Variants in RBPJ observed in about 807,000 individuals in gnomAD.
RBPJ encodes the protein recombination signal binding protein for immunoglobulin kappa J region, also known as recombining binding protein suppressor of hairless.
RBPJ carries 9 observed loss-of-function variants against 67.8 expected under a neutral mutation model. That is an observed-to-expected ratio of 0.13 (90% confidence interval 0.08 to 0.23). RBPJ has a LOEUF of 0.23. Among genes scored for constraint, RBPJ ranks in the 10% least tolerant of loss-of-function variants. RBPJ has a pLI of 1.00. For synonymous variants in RBPJ, 198 were observed against 203.3 expected (o/e 0.97, Z 0.22); for missense variants, 305 against 595.6 (o/e 0.51, Z 5.08).
chr4:26,377,391 C>A (rs1729862409), intron 1 of RBPJ, among the ~76,000 whole-genome samples: 1 of 152,190 alleles, frequency 6.6e-6, no homozygotes. Context: ...CATCAAGTGA[C>A]ACTTTTCAGG....
intron 1 of RBPJ, among the ~76,000 whole-genome samples, chr4:26,292,195 G>A (rs1379085725): frequency 6.6e-6 from 1 of 150,410 alleles, no homozygotes; most frequent in Non-Finnish European, 1.5e-5. Flanking sequence ...CTGAAAGTTT[G>A]TACATTTTGA....
intron 1 of RBPJ, among the ~76,000 whole-genome samples, chr4:26,303,699 T>A (rs1722149722): frequency 6.6e-6 from 1 of 151,456 alleles, no homozygotes; most frequent in Non-Finnish European, 1.5e-5. Flanking sequence ...ATTCCAGCAC[T>A]TTGGGAGGCC....
At chr4:26,203,414 G>A (rs1393929987) in intron 1 of RBPJ, among the ~76,000 whole-genome samples, 3 of 152,074 alleles carry the variant, frequency 2.0e-5, no homozygotes, top group Non-Finnish European at 2.9e-5. Flanking sequence ...CCCACATACA[G>A]TAGGGTCTCC....
Position 26,430,712 on chromosome 4 carries a change from G to C in RBPJ, c.1169G>C (p.Cys390Ser), listed in dbSNP as rs774004000. The change falls in exon 11 of 11, where the codon TGT (cysteine) becomes TCT (serine). Residue 390 changes from cysteine (C) to serine (S), a missense_variant. Around this residue, in one of 7 missense-constraint regions of RBPJ, gnomAD observed 47 missense variants for 128.2 expected, o/e 0.37. Coordinates refer to ENST00000355476, the MANE Select transcript of RBPJ (RefSeq NM_015874.6). This position sits in a 1 kb window ranked among gnomAD's most constrained non-coding sequence, Gnocchi z 4.1. Reference protein sequence around the residue: ...TMYRCGESMLCVVPDISAFRE... With the variant: ...TMYRCGESMLSVVPDISAFRE... ...CTCAGGTGTGGAGAGAGTATGCTCTGTGTCGTCCCAGACATTTCTGCATTC... is the reference window on the plus strand; with the variant it reads ...CTCAGGTGTGGAGAGAGTATGCTCTCTGTCGTCCCAGACATTTCTGCATTC... 6.2e-7 allele frequency: 1 copy of C among 1,614,096 alleles called. No homozygotes were observed. Among genetic ancestry groups the C allele is most frequent in the Non-Finnish European group, 8.5e-7 (1 of 1,180,006 alleles).
At chr4:26,117,229 G>A in the RBPJ span, among the ~76,000 whole-genome samples, 9 of 152,072 alleles carry the variant, frequency 5.9e-5, no homozygotes, top group African/African-American at 1.9e-4. Context: ...TGCCCCATGC[G>A]GCTACCCCCG....
At chr4:26,271,570 G>T (rs1157261313) in intron 1 of RBPJ, among the ~76,000 whole-genome samples, 1 of 151,998 alleles carries the variant, frequency 6.6e-6, no homozygotes, top group Non-Finnish European at 1.5e-5. Flanking sequence ...TCCCCAGGAG[G>T]GGATTCATGA....
chr4:26,330,781 G>A (rs2109354792), intron 1 of RBPJ, among the ~76,000 whole-genome samples: 1 of 152,320 alleles, frequency 6.6e-6, no homozygotes, highest in South Asian at 2.1e-4. Context: ...AGGATTTGAT[G>A]AACGATGATG....
At chr4:26,114,936 A>G in the RBPJ span, among the ~76,000 whole-genome samples, 2 of 152,190 alleles carry the variant, frequency 1.3e-5, no homozygotes, top group African/African-American at 2.4e-5. Flanking sequence ...CCCAACACTC[A>G]TCACTTCTAA....
At chr4:26,143,267 C>T in the RBPJ span, among the ~76,000 whole-genome samples, 125 of 152,222 alleles carry the variant, frequency 8.2e-4, no homozygotes, top group Non-Finnish European at 1.5e-3. Context: ...TAACCAGTCC[C>T]CCTGTGCCAT....
chr4:26,203,626 G>A (rs1718067925), intron 1 of RBPJ, among the ~76,000 whole-genome samples: 1 of 152,152 alleles, frequency 6.6e-6, no homozygotes, highest in South Asian at 2.1e-4. Context: ...CAAAGGCTCT[G>A]TTGAGTGAAA....
At chr4:26,227,229 C>T (rs1238140014) in intron 1 of RBPJ, among the ~76,000 whole-genome samples, 1 of 152,188 alleles carries the variant, frequency 6.6e-6, no homozygotes, top group Non-Finnish European at 1.5e-5. Flanking sequence ...TCTTAACTAA[C>T]AGAGAGTTCA....
chr4:26,401,994 TTCTCCTGCCTCAG>T (rs1423302210), intron 2 of RBPJ, among the ~76,000 whole-genome samples: 1 of 151,772 alleles, frequency 6.6e-6, no homozygotes, highest in Non-Finnish European at 1.5e-5. Context: ...GTTCAAGTGA[TTCTCCTGCCTCAG>T]CCTCCCGAGT....
intron 1 of RBPJ, among the ~76,000 whole-genome samples, chr4:26,328,467 G>A (rs571146860): frequency 1.2e-4 from 19 of 152,280 alleles, no homozygotes; most frequent in South Asian, 6.2e-4. Context: ...TGCTGTAACC[G>A]ATATTTAGTG....
intron 1 of RBPJ, among the ~76,000 whole-genome samples, chr4:26,351,960 T>G (rs182052248): frequency 6.6e-6 from 1 of 152,092 alleles, no homozygotes; most frequent in African/African-American, 2.4e-5. Context: ...CGGGGGGAGG[T>G]GTGTGGTTAT....
the RBPJ span, among the ~76,000 whole-genome samples, chr4:26,142,714 A>G: frequency 2.0e-5 from 3 of 152,208 alleles, no homozygotes; most frequent in African/African-American, 4.8e-5. Flanking sequence ...CTGTGCAGGC[A>G]CAGGAGAAAG....
intron 3 of RBPJ, among the ~76,000 whole-genome samples, chr4:26,414,227 C>G (rs995573973): frequency 1.3e-5 from 2 of 151,872 alleles, no homozygotes; most frequent in African/African-American, 2.4e-5. Flanking sequence ...TGGAATGCAG[C>G]TGCACTATGA....
At chr4:26,199,886 C>T (rs1422092620) in intron 1 of RBPJ, among the ~76,000 whole-genome samples, 1 of 152,204 alleles carries the variant, frequency 6.6e-6, no homozygotes, top group African/African-American at 2.4e-5. Context: ...AACACATGCA[C>T]AGAAATCCTG....
rs528119253 is a variant in RBPJ, at chr4:26,206,489, G to T, written c.-167+42875G>T. 3.3e-5 allele frequency among the ~76,000 whole-genome samples: 5 copies of T among 152,270 alleles called. No homozygotes were observed. In the South Asian group the frequency reaches 1.0e-3, roughly 32 times the overall value. On this transcript the variant is annotated intron_variant, in intron 1 of 4. Coordinates refer to the RBPJ transcript ENST00000512351. ...CCAGGCTCTAGGTTAACTTCTGGAAGTATCTTTGGAAAGTAATTCTCAGGC... is the reference window on the plus strand; with the variant it reads ...CCAGGCTCTAGGTTAACTTCTGGAATTATCTTTGGAAAGTAATTCTCAGGC...
At chr4:26,428,482 T>G (rs1402566551) in intron 7 of RBPJ, 3 of 379,398 alleles carry the variant, frequency 7.9e-6, no homozygotes, top group African/African-American at 6.3e-5. Flanking sequence ...TGATTTTTTT[T>G]TTTTAGATGT....
Sources: allele counts gnomAD v4.1 joint callset (sites outside exome capture counted in the v4.1 genomes callset), GRCh38; gene constraint gnomAD v4.1.1; regional missense constraint gnomAD v4.1.1; non-coding constraint Gnocchi (gnomAD v3.1); transcripts MANE v1.5; gene names NCBI Gene and HGNC (gene_info 2026-07-23, HGNC 2026-07-21).